The following NEO1 variants were observed in gnomAD, a reference collection of about 807,000 sequenced individuals.
The protein encoded by NEO1 is neogenin 1.
NEO1 carries 63 observed loss-of-function variants against 159.7 expected under a neutral mutation model. The observed-to-expected ratio is 0.39, with a 90% confidence interval of 0.32 to 0.49. NEO1 has a LOEUF of 0.49. Among genes scored for constraint, NEO1 ranks in the 20% least tolerant of loss-of-function variants. NEO1 has a pLI of 0.85. For synonymous variants in NEO1, 633 were observed against 662.0 expected (o/e 0.96, Z 0.67); for missense variants, 1,615 against 1,831.0 (o/e 0.88, Z 2.15).
intron 7 of NEO1, 181 bp from the exon 8 acceptor site, chr15:73,236,166 T>G: frequency 1.3e-6 from 1 of 789,412 alleles, no homozygotes; most frequent in Non-Finnish European, 2.0e-6. Context: ...TGTTCATTCA[T>G]TTTATTTTAT....
chr15:73,133,520 C>T (rs150087643), intron 4 of NEO1, among the ~76,000 whole-genome samples: 13 of 152,252 alleles, frequency 8.5e-5, no homozygotes, highest in Admixed American at 1.3e-4. Flanking sequence ...TGTAACCAAA[C>T]GCAACCTGTT....
chr15:73,128,757 A>G (rs2030683599), intron 4 of NEO1, among the ~76,000 whole-genome samples: 2 of 152,216 alleles, frequency 1.3e-5, no homozygotes, highest in African/African-American at 4.8e-5. Flanking sequence ...TTTTAGTAGA[A>G]TGATTCTCAG....
At chr15:73,206,252 T>G (rs1418262837) in intron 7 of NEO1, among the ~76,000 whole-genome samples, 1 of 152,192 alleles carries the variant, frequency 6.6e-6, no homozygotes, top group African/African-American at 2.4e-5. Context: ...TATGGTATTC[T>G]AATATTGATA....
At chr15:73,263,190 C>CTTTT (rs33959030) in intron 15 of NEO1, among the ~76,000 whole-genome samples, 4 of 124,176 alleles carry the variant, frequency 3.2e-5, no homozygotes, top group East Asian at 2.3e-4. Context: ...TCATAGTTGA[C>CTTTT]TTTTTTTTTT....
chr15:73,077,983 G>A (rs1465581270), intron 1 of NEO1, among the ~76,000 whole-genome samples: 1 of 152,182 alleles, frequency 6.6e-6, no homozygotes, highest in Non-Finnish European at 1.5e-5. Flanking sequence ...TGGGAAGCGG[G>A]AGAGGAAGTA....
chr15:73,225,941 G>A (rs1359643219), intron 7 of NEO1, among the ~76,000 whole-genome samples: 6 of 152,128 alleles, frequency 3.9e-5, no homozygotes, highest in African/African-American at 1.2e-4. Context: ...CCTGCCTGGG[G>A]ACCTAGTGAG....
chr15:73,147,554 A>G (rs537594363), intron 5 of NEO1, among the ~76,000 whole-genome samples: 3 of 152,210 alleles, frequency 2.0e-5, no homozygotes, highest in African/African-American at 7.2e-5. Flanking sequence ...ATACTAGTAA[A>G]TATTCTTCAT....
chr15:73,109,214 G>A (rs1228085464), intron 1 of NEO1, among the ~76,000 whole-genome samples: 1 of 152,138 alleles, frequency 6.6e-6, no homozygotes, highest in Non-Finnish European at 1.5e-5. Flanking sequence ...CGATTTTGGG[G>A]GAGATATTAT....
chr15:73,279,275 A>G (rs2041562112), intron 22 of NEO1, among the ~76,000 whole-genome samples: 1 of 150,874 alleles, frequency 6.6e-6, no homozygotes, highest in Non-Finnish European at 1.5e-5. Context: ...GCTGTGAGGA[A>G]GGTAATTACT....
intron 16 of NEO1, among the ~76,000 whole-genome samples, chr15:73,268,343 A>G (rs1272928983): frequency 3.3e-5 from 5 of 152,246 alleles, no homozygotes; most frequent in African/African-American, 1.2e-4. Flanking sequence ...ACTAGCTAGA[A>G]ATACACAAGA....
intron 7 of NEO1, among the ~76,000 whole-genome samples, chr15:73,215,663 A>G (rs1401717487): frequency 6.6e-6 from 1 of 152,138 alleles, no homozygotes. Flanking sequence ...TCTTTTTGAT[A>G]AATTGTTGGA....
chr15:73,285,212 C>T (rs190501960), intron 23 of NEO1, among the ~76,000 whole-genome samples: 1 of 152,054 alleles, frequency 6.6e-6, no homozygotes, highest in African/African-American at 2.4e-5. Flanking sequence ...CTCCACCTCC[C>T]GGGTTCAAGT....
intron 15 of NEO1, among the ~76,000 whole-genome samples, chr15:73,264,812 G>C (rs535607882): frequency 6.6e-6 from 1 of 152,258 alleles, no homozygotes; most frequent in East Asian, 1.9e-4. Context: ...CAAACCTGTT[G>C]ATCAATCAGC....
Position 73,135,923 on chromosome 15 carries a change from G to A in NEO1, c.911G>A (p.Ser304Asn), listed in dbSNP as rs145921136. The change falls in exon 5 of 29, where the codon AGC becomes AAC. Residue 304 changes from serine (S) to asparagine (N), a missense_variant. By Grantham distance (46) the Ser-to-Asn change is conservative. Around this residue, in one of 3 missense-constraint regions of NEO1, gnomAD observed 1,018 missense variants for 1,115.4 expected, o/e 0.91. Transcript: ENST00000261908. ...AGATTGGTATTGCTGGCAGGTGGTAGCCTGGAGATCAGTGATGTTACTGAG... is the reference window on the plus strand; with the variant it reads ...AGATTGGTATTGCTGGCAGGTGGTAACCTGGAGATCAGTGATGTTACTGAG... Reference protein sequence around the residue: ...SERLVLLAGGSLEISDVTEDD... With the variant: ...SERLVLLAGGNLEISDVTEDD... The A allele has an allele frequency of 1.2e-4, 186 of 1,597,788 alleles. No homozygotes were observed. In the African/African-American group the frequency reaches 2.4e-3, roughly 21 times the overall value.
Position 73,242,149 on chromosome 15 carries a change from G to T in NEO1, c.1452-2195G>T, listed in dbSNP as rs186392797. Among the ~76,000 whole-genome samples, 362 of 152,236 alleles carry T rather than the reference G, an allele frequency of 2.4e-3. 3 individuals are homozygous for T. The highest frequency in any genetic ancestry group is 7.5e-3 in the African/African-American group (310 of 41,530). On this transcript the variant is annotated intron_variant, in intron 8 of 28. Transcript: ENST00000261908. ...GAAGAAAACTTGTTTCAACTTTCCT[G>T]TGTGGGGTGAACAAAAGAGACCTGA...
chr15:73,141,667 C>G (rs1403922018), intron 5 of NEO1, among the ~76,000 whole-genome samples: 7 of 152,180 alleles, frequency 4.6e-5, no homozygotes, highest in African/African-American at 1.7e-4. Context: ...CACTGTCTTT[C>G]CTTAAGCCAC....
chr15:73,273,065 T>G (rs1567663699), intron 19 of NEO1, among the ~76,000 whole-genome samples: 1 of 149,642 alleles, frequency 6.7e-6, no homozygotes, highest in Non-Finnish European at 1.5e-5. Context: ...ATAATTAGAG[T>G]TAAAAGTGAA....
chr15:73,278,178 G>A lies in NEO1; in HGVS notation c.3241G>A (p.Asp1081Asn), dbSNP rs377510140. ...KGSRLPDLGS[D>N]YKPPMSGSNS... ...AAGCCGGCTGCCAGACCTAGGATCCGACTACAAACCTCCAATGAGCGGTAA... is the reference window on the plus strand; with the variant it reads ...AAGCCGGCTGCCAGACCTAGGATCCAACTACAAACCTCCAATGAGCGGTAA... Residue 1081 changes from aspartate to asparagine, a missense_variant, in exon 22 of 29, where the codon GAC (aspartate) becomes AAC (asparagine). By Grantham distance (23) the Asp-to-Asn change is conservative (BLOSUM62 1). This residue lies in a region of NEO1 where 471 missense variants were observed against 498.9 expected (regional missense o/e 0.94). Coordinates refer to ENST00000261908, the MANE Select transcript of NEO1 (RefSeq NM_002499.4). 9 of 1,613,000 alleles carry A rather than the reference G, an allele frequency of 5.6e-6. No homozygotes were observed. Among genetic ancestry groups the A allele is most frequent in the East Asian group, 2.2e-5 (1 of 44,870 alleles).
chr15:73,145,917 A>C (rs929207592), intron 5 of NEO1, among the ~76,000 whole-genome samples: 1 of 152,154 alleles, frequency 6.6e-6, no homozygotes, highest in Non-Finnish European at 1.5e-5. Context: ...TAATGAGTGC[A>C]TGATTGTCAT....
Sources: gnomAD v4.1 joint callset for allele counts (sites outside exome capture counted in the v4.1 genomes callset) on GRCh38, gnomAD v4.1.1 for gene constraint, gnomAD v4.1.1 regional missense constraint, MANE v1.5 for transcripts, NCBI Gene and HGNC (gene_info 2026-07-23, HGNC 2026-07-21) for gene names.